PDSS2: variants seen among roughly 807,000 people sequenced by gnomAD.
PDSS2 encodes the protein all trans-polyprenyl-diphosphate synthase PDSS2.
PDSS2 carries 31 observed loss-of-function variants against 44.5 expected under a neutral mutation model. The observed-to-expected ratio is 0.70, with a 90% CI of 0.52 to 0.94. The LOEUF (loss-of-function observed/expected upper bound fraction) is 0.94. Ranked by LOEUF, PDSS2 falls within the 40% of genes least tolerant of loss-of-function variation. The pLI is 0.00. For synonymous variants in PDSS2, 157 were observed against 180.3 expected (o/e 0.87, Z 1.03); for missense variants, 452 against 482.2 (o/e 0.94, Z 0.59).
intron 6 of PDSS2, among the ~76,000 whole-genome samples, chr6:107,201,812 TC>T (rs1283606206): frequency 1.3e-5 from 2 of 152,196 alleles, no homozygotes; most frequent in African/African-American, 2.4e-5. Context: ...TTTTAAATCT[TC>T]AAGGAAAACT....
intron 1 of PDSS2, among the ~76,000 whole-genome samples, chr6:107,349,763 C>T (rs1466488848): frequency 3.3e-5 from 5 of 151,976 alleles, no homozygotes; most frequent in African/African-American, 1.2e-4. Flanking sequence ...AACAAACAAA[C>T]AAACAAACAA....
At chr6:107,374,337 T>A (rs1779218439) in intron 1 of PDSS2, among the ~76,000 whole-genome samples, 1 of 151,198 alleles carries the variant, frequency 6.6e-6, no homozygotes, top group Admixed American at 6.6e-5. Flanking sequence ...AAGTTAATGC[T>A]CAGTTAGGTA....
chr6:107,155,737 G>A lies in PDSS2; in HGVS notation c.1042-960C>T, dbSNP rs201859730. Among the ~76,000 whole-genome samples, 19 of 150,554 alleles carry A rather than the reference G, an allele frequency of 1.3e-4. No individual in the cohort carries two copies. The East Asian group carries it at 2.2e-3, about 17-fold the overall frequency. ...TGGGACTACAGGTGTGCACCACCAC[G>A]CCCAGGTAACTTTTGTATTTTTGGT... On this transcript the variant is annotated intron_variant, in intron 7 of 7. Transcript: ENST00000369037.
intron 2 of PDSS2, among the ~76,000 whole-genome samples, chr6:107,330,214 T>G (rs953621239): frequency 3.3e-5 from 5 of 152,134 alleles, no homozygotes; most frequent in African/African-American, 9.6e-5. Flanking sequence ...GCTTAAGGAG[T>G]ATTACAGATG....
chr6:107,244,642 G>A (rs565196238), intron 4 of PDSS2, among the ~76,000 whole-genome samples: 40 of 152,306 alleles, frequency 2.6e-4, no homozygotes. Flanking sequence ...ACCACCCAGA[G>A]TCCCTGGGTT....
intron 1 of PDSS2, among the ~76,000 whole-genome samples, chr6:107,425,076 T>C (rs1421649661): frequency 6.6e-6 from 1 of 152,188 alleles, no homozygotes; most frequent in Non-Finnish European, 1.5e-5. Context: ...CCACCATCCA[T>C]GTACGATGTG....
At chr6:107,179,057 C>T (rs979223394) in intron 7 of PDSS2, among the ~76,000 whole-genome samples, 1 of 152,106 alleles carries the variant, frequency 6.6e-6, no homozygotes, top group Non-Finnish European at 1.5e-5. Flanking sequence ...CTGCAAAGCA[C>T]GCATACAATG....
chr6:107,380,306 A>C (rs2114457239), intron 1 of PDSS2, among the ~76,000 whole-genome samples: 1 of 152,258 alleles, frequency 6.6e-6, no homozygotes, highest in East Asian at 1.9e-4. Flanking sequence ...ATACTCCTAT[A>C]ATTAAATCTC....
chr6:107,298,654 T>G (rs891242051), intron 2 of PDSS2, among the ~76,000 whole-genome samples: 2 of 152,220 alleles, frequency 1.3e-5, no homozygotes, highest in Non-Finnish European at 2.9e-5. Flanking sequence ...CATATATGTG[T>G]GTGTATATAT....
At chr6:107,388,209 C>G (rs1173604164) in intron 1 of PDSS2, among the ~76,000 whole-genome samples, 1 of 152,092 alleles carries the variant, frequency 6.6e-6, no homozygotes, top group Non-Finnish European at 1.5e-5. Context: ...TTATCCAGCC[C>G]AGGACACTAC....
chr6:107,230,430 C>T (rs984293341), intron 4 of PDSS2, among the ~76,000 whole-genome samples: 18 of 152,140 alleles, frequency 1.2e-4, no homozygotes, highest in African/African-American at 4.3e-4. Context: ...CACGCTTGGC[C>T]TAGACCACCA....
intron 2 of PDSS2, among the ~76,000 whole-genome samples, chr6:107,290,625 T>C (rs1776312614): frequency 6.6e-6 from 1 of 152,182 alleles, no homozygotes; most frequent in Admixed American, 6.5e-5. Context: ...ATGCCAAGCC[T>C]ATTCTTGCCT....
chr6:107,209,836 G>C (rs1773135614), intron 6 of PDSS2, among the ~76,000 whole-genome samples: 1 of 151,956 alleles, frequency 6.6e-6, no homozygotes, highest in Non-Finnish European at 1.5e-5. Context: ...ATTCCAAGAG[G>C]CTTTGGCTAA....
At chr6:107,408,395 A>G (rs909351863) in intron 1 of PDSS2, among the ~76,000 whole-genome samples, 1 of 152,160 alleles carries the variant, frequency 6.6e-6, no homozygotes, top group Non-Finnish European at 1.5e-5. Flanking sequence ...AAAAAAATCT[A>G]ATTTATCTGG....
chr6:107,459,271 C>T lies in PDSS2; in HGVS notation c.15G>A (p.Gln5=). 1 of 1,614,048 alleles carries T rather than the reference C, an allele frequency of 6.2e-7. No individual in the cohort carries two copies. Among genetic ancestry groups the T allele is most frequent in the Non-Finnish European group, 8.5e-7 (1 of 1,180,004 alleles). Residue 5 remains glutamine (Q), a synonymous_variant, in exon 1 of 8, where the codon CAG becomes CAA. Coordinates refer to ENST00000369037, the MANE Select transcript of PDSS2 (RefSeq NM_020381.4). This position sits in a 1 kb window ranked among gnomAD's most constrained non-coding sequence, Gnocchi z 4.3. MNFR[Q]LLLHLPRYLG... ...GATAACGTGGCAAGTGCAACAGCAGCTGCCGAAAGTTCATGGTTTGAGTCT... is the reference window on the plus strand; with the variant it reads ...GATAACGTGGCAAGTGCAACAGCAGTTGCCGAAAGTTCATGGTTTGAGTCT...
At chr6:107,245,642 A>C in intron 3 of PDSS2, 23 bp from the exon 4 acceptor site, 1 of 1,437,178 alleles carries the variant, frequency 7.0e-7, no homozygotes, top group Non-Finnish European at 9.6e-7. Flanking sequence ...AAGAAAAATA[A>C]AAATAAAAAA....
chr6:107,458,412 C>CAAAAAAAATAAAAA (rs1782121269), intron 1 of PDSS2, among the ~76,000 whole-genome samples: 1 of 78,182 alleles, frequency 1.3e-5, no homozygotes. Flanking sequence ...GACTCCGTCT[C>CAAAAAAAATAAAAA]AAAAAAAAAA....
At chr6:107,330,030 C>T (rs963587942) in intron 2 of PDSS2, among the ~76,000 whole-genome samples, 2 of 148,902 alleles carry the variant, frequency 1.3e-5, no homozygotes, top group Non-Finnish European at 3.0e-5. Flanking sequence ...AAAAAGGTAA[C>T]ATTTGCTGCT....
chr6:107,181,907 A>G (rs1335467336), intron 7 of PDSS2, among the ~76,000 whole-genome samples: 1 of 151,024 alleles, frequency 6.6e-6, no homozygotes, highest in East Asian at 1.9e-4. Context: ...AAAAAAAAAA[A>G]ATTATTTGGG....
Sources: gnomAD v4.1 joint callset for allele counts (sites outside exome capture counted in the v4.1 genomes callset) on GRCh38, gnomAD v4.1.1 for gene constraint, Gnocchi (gnomAD v3.1) non-coding constraint, MANE v1.5 for transcripts, NCBI Gene and HGNC (gene_info 2026-07-23, HGNC 2026-07-21) for gene names.